Variants in DIAPH2 observed in about 807,000 individuals in gnomAD.
DIAPH2 encodes diaphanous related formin 2, also known as protein diaphanous homolog 2.
DIAPH2 carries 35 observed loss-of-function variants against 92.7 expected under a neutral mutation model. The observed-to-expected ratio is 0.38, with a 90% CI of 0.29 to 0.50. DIAPH2 has a LOEUF of 0.50. Ranked by LOEUF, DIAPH2 falls within the 20% of genes least tolerant of loss-of-function variation. The pLI is 0.94. For missense variants in DIAPH2, 701 were observed against 819.5 expected (o/e 0.86, Z 1.77); for synonymous variants, 301 against 280.4 (o/e 1.07, Z -0.73).
At chrX:96,909,605 A>G (rs1490900602) in intron 5 of DIAPH2, among the ~76,000 whole-genome samples, 1 of 111,033 alleles carries the variant, frequency 9.0e-6, no homozygotes. Context: ...GGCTCATTTC[A>G]GGCTCCCATT....
At chrX:96,805,212 C>G (rs1397708139) in intron 4 of DIAPH2, among the ~76,000 whole-genome samples, 1 of 9,590 alleles carries the variant, frequency 1.0e-4, no homozygotes, top group African/African-American at 7.6e-4. Flanking sequence ...TATTTATACA[C>G]ACACACACAT....
intron 24 of DIAPH2, among the ~76,000 whole-genome samples, chrX:97,379,573 T>G (rs953290480): frequency 8.9e-6 from 1 of 112,150 alleles, no homozygotes; most frequent in Non-Finnish European, 1.9e-5. Flanking sequence ...GGTCACACAG[T>G]TTTTAGGATA....
At chrX:97,194,960 C>T (rs1189516052) in intron 22 of DIAPH2, among the ~76,000 whole-genome samples, 3 of 111,424 alleles carry the variant, frequency 2.7e-5, no homozygotes, top group Admixed American at 9.6e-5. Context: ...CCCAACCTTA[C>T]CATATTCTAA....
intron 4 of DIAPH2, among the ~76,000 whole-genome samples, chrX:96,848,686 G>A (rs1407683687): frequency 8.9e-6 from 1 of 112,093 alleles, no homozygotes; most frequent in African/African-American, 3.2e-5. Flanking sequence ...TCAGGCTGTT[G>A]TAAGTGAATT....
Position 96,859,318 on chromosome X carries a change from G to A in DIAPH2, c.448-22261G>A, listed in dbSNP as rs1432465574. Among the ~76,000 whole-genome samples the A allele has an allele frequency of 3.6e-5, 4 of 109,953 alleles. No individual in the cohort carries two copies. In the East Asian group the frequency reaches 8.5e-4, roughly 23 times the overall value. ...GACAGTGCAATTCTAGATGGATAAAGGCCATAAATATATAAAATTTCTCTT... is the reference window on the plus strand; with the variant it reads ...GACAGTGCAATTCTAGATGGATAAAAGCCATAAATATATAAAATTTCTCTT... On this transcript the variant is annotated intron_variant, in intron 4 of 26. Transcript: ENST00000324765.
intron 19 of DIAPH2, among the ~76,000 whole-genome samples, chrX:97,095,098 C>CTTTTTTTTTTTTTTTTTT: frequency 4.5e-5 from 1 of 22,412 alleles, no homozygotes; most frequent in Middle Eastern, 0.04. Context: ...GTTTCTTTTT[C>CTTTTTTTTTTTTTTTTTT]TTTTTTTTTT....
intron 1 of DIAPH2, among the ~76,000 whole-genome samples, chrX:96,689,202 T>C (rs2063786695): frequency 9.6e-6 from 1 of 103,812 alleles, no homozygotes; most frequent in Non-Finnish European, 2.0e-5. Context: ...TGAATATGGC[T>C]GAAACAAAGG....
chrX:97,003,142 T>C (rs2066156309), intron 17 of DIAPH2, among the ~76,000 whole-genome samples: 1 of 111,439 alleles, frequency 9.0e-6, no homozygotes, highest in African/African-American at 3.3e-5. Flanking sequence ...TTTTTTTTTT[T>C]ACTGGCTGAA....
At chrX:97,562,772 T>G (rs1024160011) in intron 26 of DIAPH2, among the ~76,000 whole-genome samples, 2 of 111,630 alleles carry the variant, frequency 1.8e-5, no homozygotes, top group African/African-American at 3.3e-5. Context: ...ACCCTATAGT[T>G]CAATGGGTGT....
chrX:97,168,552 G>A (rs2067428836), intron 22 of DIAPH2, among the ~76,000 whole-genome samples: 1 of 111,178 alleles, frequency 9.0e-6, no homozygotes, highest in Non-Finnish European at 1.9e-5. Flanking sequence ...TCTAGGTAGT[G>A]TGGATATGGC....
chrX:97,215,690 T>C (rs1317601294), intron 22 of DIAPH2, among the ~76,000 whole-genome samples: 1 of 111,747 alleles, frequency 8.9e-6, no homozygotes, highest in Non-Finnish European at 1.9e-5. Flanking sequence ...GTTTGGCTAC[T>C]TGTTTGTGCC....
At chrX:97,081,070 C>T (rs2066740362) in intron 19 of DIAPH2, among the ~76,000 whole-genome samples, 1 of 111,940 alleles carries the variant, frequency 8.9e-6, no homozygotes, top group Non-Finnish European at 1.9e-5. Flanking sequence ...AACTTGTATT[C>T]ACCATGTTCA....
At chrX:97,144,748 ATTTC>A (rs199738516) in intron 22 of DIAPH2, among the ~76,000 whole-genome samples, 11,719 of 104,059 alleles carry the variant, frequency 0.11, 665 homozygotes, top group Admixed American at 0.22. Flanking sequence ...GACACTATAA[ATTTC>A]TTTCTTTCTT....
rs772988581 is a variant in DIAPH2, at chrX:97,083,002, C to G, written c.2247+7741C>G. Among the ~76,000 whole-genome samples, 5 of 112,164 alleles carry G rather than the reference C, an allele frequency of 4.5e-5. No homozygotes were observed. The South Asian group carries it at 1.9e-3, about 42-fold the overall frequency. On this transcript the variant is annotated intron_variant, in intron 19 of 26. Transcript: ENST00000324765. ...CAAATTATACACTTTTGTAATTGAT[C>G]ATATCTATAAAACCACTTTCTCTTA... is the stretch of plus-strand genomic sequence containing the variant.
At chrX:97,348,874 T>C (rs987579168) in intron 24 of DIAPH2, among the ~76,000 whole-genome samples, 4 of 109,662 alleles carry the variant, frequency 3.6e-5, no homozygotes, top group African/African-American at 1.3e-4. Context: ...ATATAAATGC[T>C]ATGGAAATAC....
At chrX:96,797,661 TA>T (rs1376838075) in intron 4 of DIAPH2, among the ~76,000 whole-genome samples, 2 of 111,529 alleles carry the variant, frequency 1.8e-5, no homozygotes, top group African/African-American at 6.5e-5. Context: ...CCACACACTT[TA>T]AAAAAATTTA....
intron 25 of DIAPH2, among the ~76,000 whole-genome samples, chrX:97,404,595 G>A (rs1425402356): frequency 9.0e-6 from 1 of 111,688 alleles, no homozygotes; most frequent in Non-Finnish European, 1.9e-5. Context: ...CTCCCTCACT[G>A]GTCCACTGGT....
intron 25 of DIAPH2, among the ~76,000 whole-genome samples, chrX:97,411,024 G>A (rs2069866180): frequency 9.0e-6 from 1 of 111,428 alleles, no homozygotes; most frequent in African/African-American, 3.3e-5. Flanking sequence ...AGCAAGGCAG[G>A]CCAACATCCA....
chrX:97,303,021 A>C (rs1022815470), intron 23 of DIAPH2, among the ~76,000 whole-genome samples: 2 of 112,490 alleles, frequency 1.8e-5, no homozygotes, highest in African/African-American at 6.5e-5. Context: ...GCATAAGCAA[A>C]TGATGTGAGG....
Sources: gnomAD v4.1 joint callset for allele counts (sites outside exome capture counted in the v4.1 genomes callset) on GRCh38, gnomAD v4.1.1 for gene constraint, MANE v1.5 for transcripts, NCBI Gene and HGNC (gene_info 2026-07-23, HGNC 2026-07-21) for gene names.